DNM1: variants seen among roughly 807,000 people sequenced by gnomAD.
DNM1 encodes dynamin-1.
In DNM1, 29 loss-of-function variants were observed where a neutral mutation model predicts 104.6. The observed-to-expected ratio is 0.28, with a 90% CI of 0.21 to 0.38. DNM1 has a LOEUF of 0.38. Ranked by LOEUF, DNM1 falls within the 10% of genes least tolerant of loss-of-function variation. The pLI is 1.00. For synonymous variants in DNM1, 445 were observed against 475.8 expected (o/e 0.94, Z 0.84); for missense variants, 640 against 1,189.4 (o/e 0.54, Z 6.79).
At position 128,222,703 on chromosome 9, in the gene DNM1, G is replaced by A; in HGVS notation, c.1129-90G>A. 3 of 1,600,828 alleles carry A rather than the reference G, an allele frequency of 1.9e-6. No individual in the cohort carries two copies. In the South Asian group the frequency reaches 3.3e-5, roughly 18 times the overall value. ...TGGCCCCCACCCCACAGGCCCTGATGCCCAGCCCTAGGTGTGGGGTGGGCC... is the reference window on the plus strand; with the variant it reads ...TGGCCCCCACCCCACAGGCCCTGATACCCAGCCCTAGGTGTGGGGTGGGCC... On this transcript the variant is annotated intron_variant, in intron 8 of 21. Transcript: ENST00000372923. This position sits in a 1 kb window ranked among gnomAD's most constrained non-coding sequence, Gnocchi z 7.8.
rs770377835 is a variant in DNM1, at chr9:128,224,289, T to C, written c.1235T>C (p.Ile412Thr). ...ACCCCAGACATGGCCTTTGAGACCA[T>C]TGTGAAAAAGCAGGTGAAGAAGATC... ...LFTPDMAFETIVKKQVKKIRE... is the reference protein window; with the variant it reads ...LFTPDMAFETTVKKQVKKIRE... The change falls in exon 10 of 22, where the codon ATT becomes ACT. Residue 412 changes from isoleucine (I) to threonine (T), a missense_variant. Transcript: ENST00000372923. This position sits in a 1 kb window ranked among gnomAD's most constrained non-coding sequence, Gnocchi z 4.3. 5.0e-6 allele frequency: 8 copies of C among 1,613,872 alleles called. No homozygotes were observed. Among genetic ancestry groups the C allele is most frequent in the East Asian group, 2.2e-5 (1 of 44,856 alleles).
Position 128,225,269 on chromosome 9 carries a change from T to C in DNM1, c.1335+880T>C, listed in dbSNP as rs147304648. 2.8e-3 allele frequency among the ~76,000 whole-genome samples: 423 copies of C among 152,324 alleles called. 1 individual carries two copies. Among genetic ancestry groups the C allele is most frequent in the African/African-American group, 9.8e-3 (409 of 41,566 alleles). On this transcript the variant is annotated intron_variant, in intron 10 of 21. Coordinates refer to ENST00000372923, the MANE Select transcript of DNM1 (RefSeq NM_004408.4). ...TCTCTATCACTACCTCTACTCTTTC[T>C]GTCTTTCCTCTTCTCTTTCTGTCTT...
intron 1 of DNM1, among the ~76,000 whole-genome samples, chr9:128,216,325 C>T (rs1041208555): frequency 6.6e-6 from 1 of 152,244 alleles, no homozygotes; most frequent in Non-Finnish European, 1.5e-5. Flanking sequence ...TGAATCCCCA[C>T]TCTGCTGTGT....
chr9:128,239,763 A>C lies in DNM1; in HGVS notation c.1529A>C (p.Lys510Thr). Residue 510 changes from lysine to threonine, a missense_variant, in exon 13 of 22, where the codon AAG (lysine) becomes ACG (threonine). Transcript: ENST00000372923. ...AGGAGCAACCAGATGAACAAGAAGA[A>C]GACTTCAGGGAACCAGGTGAGTGGG... ...QQRSNQMNKK[K>T]TSGNQDEILV... is the part of the protein sequence containing the mutation. 1 of 1,613,896 alleles carries C rather than the reference A, an allele frequency of 6.2e-7. No individual in the cohort carries two copies. Among genetic ancestry groups the C allele is most frequent in the Non-Finnish European group, 8.5e-7 (1 of 1,179,926 alleles).
intron 20 of DNM1, 109 bp from the exon 21 acceptor site, chr9:128,250,616 A>G: frequency 9.4e-7 from 1 of 1,064,770 alleles, no homozygotes; most frequent in Non-Finnish European, 1.3e-6. Context: ...TGCGGCAGGG[A>G]GGGGCTTGCG....
intron 10 of DNM1, chr9:128,233,745 C>T: frequency 1.9e-6 from 1 of 523,958 alleles, no homozygotes; most frequent in East Asian, 3.6e-5. Context: ...ACGGGAACCA[C>T]CCCTCTGCCC....
Position 128,253,865 on chromosome 9 carries a change from G to C in DNM1, c.2535-789G>C. The C allele has an allele frequency of 8.3e-7, 1 of 1,204,478 alleles. No individual in the cohort carries two copies. 74.6% of individuals were successfully genotyped at this position (1,204,478 alleles called of 1,614,324 possible). ...CACCGTAGCCAGCCAGCGGGCTCACGCACCTTGGCCTGTTGCTCCTAGGGT... is the reference window on the plus strand; with the variant it reads ...CACCGTAGCCAGCCAGCGGGCTCACCCACCTTGGCCTGTTGCTCCTAGGGT... On this transcript the variant is annotated intron_variant, in intron 21 of 21. Transcript: ENST00000372923. The surrounding 1 kb of genome is among the most constrained non-coding windows in gnomAD (Gnocchi z 5.9).
chr9:128,249,846 C>A (rs931284020), intron 19 of DNM1, among the ~76,000 whole-genome samples: 3 of 151,532 alleles, frequency 2.0e-5, no homozygotes, highest in African/African-American at 7.3e-5. Flanking sequence ...AAAAAAAAAA[C>A]AACTGAGTAG....
chr9:128,212,220 T>G (rs1834344174), intron 1 of DNM1, among the ~76,000 whole-genome samples: 1 of 152,214 alleles, frequency 6.6e-6, no homozygotes, highest in Non-Finnish European at 1.5e-5. Flanking sequence ...CTGGCCTGTG[T>G]CCTATTTCAC....
chr9:128,236,890 C>T (rs573472673), intron 11 of DNM1, among the ~76,000 whole-genome samples: 1 of 152,160 alleles, frequency 6.6e-6, no homozygotes, highest in South Asian at 2.1e-4. Context: ...AGTGTGTCAC[C>T]TTGCAGGCAT....
rs61757224 is a variant in DNM1 at position 128,203,516 on chromosome 9, C to A, written c.46C>A (p.Leu16Met). 11,598 of 1,540,792 alleles carry A rather than the reference C, an allele frequency of 7.5e-3. 292 individuals carry two copies. In the East Asian group the frequency reaches 0.1, roughly 14 times the overall value. Reference sequence around the variant, plus strand: ...AGATCTCATCCCGCTGGTCAACCGGCTGCAAGACGCCTTCTCTGCCATCGG... The same window carrying A: ...AGATCTCATCCCGCTGGTCAACCGGATGCAAGACGCCTTCTCTGCCATCGG... ...MEDLIPLVNR[L>M]QDAFSAIGQN... Residue 16 changes from leucine (L) to methionine (M), a missense_variant, in exon 1 of 22, where the codon CTG becomes ATG. Leu to Met is a conservative substitution (Grantham distance 15, BLOSUM62 2). Transcript: ENST00000372923. This position sits in a 1 kb window ranked among gnomAD's most constrained non-coding sequence, Gnocchi z 5.3.
chr9:128,222,716 T>C lies in DNM1; in HGVS notation c.1129-77T>C. On this transcript the variant is annotated intron_variant, in intron 8 of 21. Coordinates refer to ENST00000372923, the MANE Select transcript of DNM1 (RefSeq NM_004408.4). The surrounding 1 kb of genome is among the most constrained non-coding windows in gnomAD (Gnocchi z 7.8). ...ACAGGCCCTGATGCCCAGCCCTAGG[T>C]GTGGGGTGGGCCCTGTCTTGACCTC... 1 of 1,592,896 alleles carries C rather than the reference T, an allele frequency of 6.3e-7. No individual in the cohort carries two copies. The highest frequency in any genetic ancestry group is 8.6e-7 in the Non-Finnish European group (1 of 1,162,192).
intron 15 of DNM1, among the ~76,000 whole-genome samples, chr9:128,242,574 A>C (rs1836437641): frequency 6.6e-6 from 1 of 152,192 alleles, no homozygotes; most frequent in African/African-American, 2.4e-5. Context: ...AGCCCGGCCA[A>C]AATGGTGAAA....
intron 6 of DNM1, among the ~76,000 whole-genome samples, chr9:128,221,959 C>G (rs1835049979): frequency 6.6e-6 from 1 of 152,120 alleles, no homozygotes; most frequent in Admixed American, 6.5e-5. Flanking sequence ...TCAGGAAATT[C>G]CAAATACAAA....
At chr9:128,213,953 C>T (rs1023053405) in intron 1 of DNM1, among the ~76,000 whole-genome samples, 1 of 152,074 alleles carries the variant, frequency 6.6e-6, no homozygotes, top group African/African-American at 2.4e-5. Context: ...GAACAGAGAG[C>T]GACTTGTTGC....
chr9:128,250,008 G>A (rs2131296783), intron 19 of DNM1, 107 bp from the exon 20 acceptor site: 1 of 1,536,370 alleles, frequency 6.5e-7, no homozygotes, highest in Non-Finnish European at 8.9e-7. Flanking sequence ...TGTAGGAGCC[G>A]CGTCTGAAAA....
chr9:128,225,721 T>C (rs1448560342), intron 10 of DNM1, among the ~76,000 whole-genome samples: 1 of 151,964 alleles, frequency 6.6e-6, no homozygotes, highest in African/African-American at 2.4e-5. Flanking sequence ...GGGAAGAGGA[T>C]CTGAACTCAA....
chr9:128,244,062 T>A (rs1554782155), intron 15 of DNM1, among the ~76,000 whole-genome samples: 1 of 151,046 alleles, frequency 6.6e-6, no homozygotes, highest in Non-Finnish European at 1.5e-5. Context: ...CATTTGCATC[T>A]GGGGGTGAAA....
chr9:128,217,929 G>A (rs974590785), intron 1 of DNM1, among the ~76,000 whole-genome samples: 7 of 152,210 alleles, frequency 4.6e-5, no homozygotes, highest in African/African-American at 1.7e-4. Context: ...GAATGGCCGT[G>A]GCTGAGTTGG....
Sources: gnomAD v4.1 joint callset for allele counts (sites outside exome capture counted in the v4.1 genomes callset) on GRCh38, gnomAD v4.1.1 for gene constraint, Gnocchi (gnomAD v3.1) non-coding constraint, MANE v1.5 for transcripts, NCBI Gene and HGNC (gene_info 2026-07-23, HGNC 2026-07-21) for gene names.